The following GRIK2 variants were observed in gnomAD, a reference collection of about 807,000 sequenced individuals.
GRIK2 encodes the protein glutamate receptor ionotropic, kainate 2.
A neutral mutation model predicts 100.3 loss-of-function variants in GRIK2; 32 were observed. That is an observed-to-expected ratio of 0.32 (90% CI 0.24 to 0.43). The LOEUF is 0.43. Among genes scored for constraint, GRIK2 ranks in the 20% least tolerant of loss-of-function variants. GRIK2 has a pLI of 1.00. For synonymous variants in GRIK2, 417 were observed against 389.4 expected (o/e 1.07, Z -0.83); for missense variants, 843 against 1,114.9 (o/e 0.76, Z 3.47).
chr6:102,001,390 T>C (rs1794934721), intron 14 of GRIK2, among the ~76,000 whole-genome samples: 1 of 151,492 alleles, frequency 6.6e-6, no homozygotes. Flanking sequence ...CAGTATGTGA[T>C]GTTCCCCTCC....
At position 101,847,271 on chromosome 6, in the gene GRIK2, C is replaced by T. The variant is rs575456166; in HGVS notation, c.1318-12016C>T. 5.3e-5 allele frequency among the ~76,000 whole-genome samples: 8 copies of T among 152,162 alleles called. No homozygotes were observed. In the East Asian group the frequency reaches 1.2e-3, roughly 22 times the overall value. ...TGCAACTCATTGGTTTCTCTCAAGG[C>T]CAGTTTCTATTAATTTCTTTGTTCC... is the stretch of plus-strand genomic sequence containing the variant. On this transcript the variant is annotated intron_variant, in intron 10 of 16. Coordinates refer to ENST00000369134, the MANE Select transcript of GRIK2 (RefSeq NM_021956.5).
intron 11 of GRIK2, among the ~76,000 whole-genome samples, chr6:101,876,812 T>A (rs1004652647): frequency 3.9e-5 from 6 of 151,950 alleles, no homozygotes; most frequent in South Asian, 2.1e-4. Context: ...AAAGAACTTT[T>A]TGATTTATAA....
At chr6:101,745,558 A>G (rs1250094261) in intron 7 of GRIK2, among the ~76,000 whole-genome samples, 3 of 152,226 alleles carry the variant, frequency 2.0e-5, no homozygotes, top group African/African-American at 7.2e-5. Context: ...ATGTATGAAT[A>G]ATAGATGGGC....
chr6:101,889,948 A>G (rs1222307163), intron 12 of GRIK2, 85 bp downstream of exon 12: 1 of 781,030 alleles, frequency 1.3e-6, no homozygotes, highest in Non-Finnish European at 2.2e-6. Context: ...AATCAATTTT[A>G]CTTTTTCTGT....
intron 12 of GRIK2, 43 bp from the exon 13 acceptor site, chr6:101,924,558 C>G (rs1178424401): frequency 2.1e-6 from 2 of 974,954 alleles, no homozygotes; most frequent in Middle Eastern, 3.1e-4. Flanking sequence ...AATTTCTTCC[C>G]ACTGCAATTT....
intron 2 of GRIK2, among the ~76,000 whole-genome samples, chr6:101,494,508 T>C: frequency 6.6e-6 from 1 of 152,054 alleles, no homozygotes; most frequent in Admixed American, 6.6e-5. Context: ...CAATTATTAC[T>C]TTTACTGATT....
intron 2 of GRIK2, among the ~76,000 whole-genome samples, chr6:101,482,856 G>A (rs112949337): frequency 0.098 from 14,941 of 151,952 alleles, 782 homozygotes; most frequent in South Asian, 0.12. Flanking sequence ...CTCTGGGAAA[G>A]CCAAACTGCC....
chr6:101,437,096 A>C (rs1278593615), intron 2 of GRIK2, among the ~76,000 whole-genome samples: 1 of 151,974 alleles, frequency 6.6e-6, no homozygotes, highest in East Asian at 1.9e-4. Flanking sequence ...TCCTTACTAC[A>C]GCCAATGGTT....
intron 2 of GRIK2, among the ~76,000 whole-genome samples, chr6:101,437,084 T>C (rs1769764952): frequency 6.6e-6 from 1 of 151,918 alleles, no homozygotes; most frequent in Admixed American, 6.6e-5. Flanking sequence ...AAACTCACAG[T>C]GTCCTTACTA....
intron 11 of GRIK2, among the ~76,000 whole-genome samples, chr6:101,882,069 C>T (rs376829478): frequency 6.6e-6 from 1 of 151,886 alleles, no homozygotes; most frequent in African/African-American, 2.4e-5. Flanking sequence ...AGGGGAAACC[C>T]CTTATAAAAT....
intron 14 of GRIK2, among the ~76,000 whole-genome samples, chr6:101,967,450 A>C (rs1226160602): frequency 6.6e-6 from 1 of 152,126 alleles, no homozygotes; most frequent in Admixed American, 6.6e-5. Context: ...ACTTTTTAAA[A>C]ATAAATTATA....
At chr6:101,537,350 A>T (rs925353947) in intron 2 of GRIK2, among the ~76,000 whole-genome samples, 2 of 151,782 alleles carry the variant, frequency 1.3e-5, no homozygotes, top group African/African-American at 4.8e-5. Context: ...TTTCCTCAAA[A>T]GCCAGTAGAT....
chr6:101,482,846 C>T (rs1281356738), intron 2 of GRIK2, among the ~76,000 whole-genome samples: 1 of 152,050 alleles, frequency 6.6e-6, no homozygotes, highest in Non-Finnish European at 1.5e-5. Context: ...GTATAACCTT[C>T]TCTGGGAAAG....
intron 2 of GRIK2, among the ~76,000 whole-genome samples, chr6:101,412,797 A>G (rs1462443005): frequency 6.6e-6 from 1 of 151,980 alleles, no homozygotes; most frequent in Non-Finnish European, 1.5e-5. Flanking sequence ...TATTCATCTA[A>G]TTATGGTTCT....
rs1335848081 is a variant in GRIK2 at position 102,068,325 on chromosome 6, A to T, written c.2563-22A>T. The T allele has an allele frequency of 2.5e-6, 4 of 1,569,794 alleles. No homozygotes were observed. In the African/African-American group the frequency reaches 4.1e-5, roughly 16 times the overall value. ...CAGTTTATGTATCTTGTAATATTTA[A>T]TTTTTCTGTGTTCTTCTGTAGAGGT... On this transcript the variant is annotated intron_variant, in intron 16 of 16. Coordinates refer to ENST00000369134, the MANE Select transcript of GRIK2 (RefSeq NM_021956.5).
At chr6:101,566,820 G>T (rs1169164329) in intron 2 of GRIK2, among the ~76,000 whole-genome samples, 1 of 148,114 alleles carries the variant, frequency 6.8e-6, no homozygotes, top group Non-Finnish European at 1.5e-5. Context: ...ATATATGATA[G>T]ACTTTATATA....
chr6:101,554,162 A>G (rs1170184607), intron 2 of GRIK2, among the ~76,000 whole-genome samples: 1 of 152,186 alleles, frequency 6.6e-6, no homozygotes, highest in East Asian at 1.9e-4. Flanking sequence ...AATTACAAAG[A>G]AGGAGAAATC....
At chr6:101,900,399 G>C (rs968164409) in intron 12 of GRIK2, among the ~76,000 whole-genome samples, 2 of 152,070 alleles carry the variant, frequency 1.3e-5, no homozygotes, top group Non-Finnish European at 1.5e-5. Flanking sequence ...GGGAGGCAGA[G>C]GTAGCGGTGA....
chr6:101,966,514 G>T (rs1258348858), intron 14 of GRIK2, among the ~76,000 whole-genome samples: 2 of 152,100 alleles, frequency 1.3e-5, no homozygotes, highest in Non-Finnish European at 2.9e-5. Context: ...TTAATTATTT[G>T]TTCAGATCTT....
Sources: allele counts gnomAD v4.1 joint callset (sites outside exome capture counted in the v4.1 genomes callset), GRCh38; gene constraint gnomAD v4.1.1; transcripts MANE v1.5; gene names NCBI Gene and HGNC (gene_info 2026-07-23, HGNC 2026-07-21).